Variants in MYO18A observed in about 807,000 individuals in gnomAD.
The protein encoded by MYO18A is unconventional myosin-XVIIIa.
Under a neutral mutation model 235.8 loss-of-function variants are expected in MYO18A, and 78 were observed. The ratio of observed to expected loss-of-function variants is 0.33; its 90% confidence interval spans 0.28 to 0.40. MYO18A has a LOEUF of 0.40. Ranked by LOEUF, MYO18A falls within the 10% of genes least tolerant of loss-of-function variation. MYO18A has a pLI of 1.00. For synonymous variants in MYO18A, 977 were observed against 1,077.8 expected, an observed-to-expected ratio of 0.91 and a Z score of 1.83; for missense variants, 2,215 against 2,699.3, an observed-to-expected ratio of 0.82 and a Z score of 3.98.
Position 29,121,578 on chromosome 17 carries a change from G to A in MYO18A, c.1340C>T (p.Pro447Leu). The change falls in exon 5 of 42, where the codon CCC (proline) becomes CTC (leucine). Residue 447 changes from proline to leucine, a missense_variant. By Grantham distance (98) the Pro-to-Leu change is moderately conservative (BLOSUM62 -3). Coordinates refer to ENST00000527372, the MANE Select transcript of MYO18A (RefSeq NM_078471.4). The surrounding 1 kb of genome is among the most constrained non-coding windows in gnomAD (Gnocchi z 4.2). ...AGAGTACACAGCAGGGGCCCCACGG[G>A]GGCCAAGAACCAGCAGGCTGGGGCC... ...YAGPSLLVLGPRGAPAVYSEK... is the reference protein window; with the variant it reads ...YAGPSLLVLGLRGAPAVYSEK... The A allele has an allele frequency of 6.2e-7, 1 of 1,604,304 alleles. No individual in the cohort carries two copies. The highest frequency in any genetic ancestry group is 8.5e-7 in the Non-Finnish European group (1 of 1,176,038).
intron 25 of MYO18A, 85 bp downstream of exon 25, chr17:29,098,020 A>T: frequency 6.3e-7 from 1 of 1,583,292 alleles, no homozygotes; most frequent in Admixed American, 1.7e-5. Flanking sequence ...AGGGGTGAAG[A>T]TGCCAACTGT....
chr17:29,138,280 G>A (rs1262952869), intron 2 of MYO18A, among the ~76,000 whole-genome samples: 2 of 152,106 alleles, frequency 1.3e-5, no homozygotes, highest in Non-Finnish European at 2.9e-5. Flanking sequence ...ACTCTCAAGA[G>A]AGTGCCCAAA....
chr17:29,121,842 C>G lies in MYO18A; in HGVS notation c.1194+9G>C, dbSNP rs371153509. On this transcript the variant is annotated intron_variant, in intron 4 of 41. Transcript: ENST00000527372. The surrounding 1 kb of genome is among the most constrained non-coding windows in gnomAD (Gnocchi z 4.2). The stretch of plus-strand genomic sequence containing the variant: ...CTCCTCCCCCACACCCAGCCCCCTG[C>G]CCACCTACCTTCTCAACGTCATCCT... 1 of 1,613,522 alleles carries G rather than the reference C, an allele frequency of 6.2e-7. No homozygotes were observed. The highest frequency in any genetic ancestry group is 1.3e-5 in the African/African-American group (1 of 74,910).
In MYO18A at chr17:29,074,578, TCC is replaced by T; in HGVS notation, c.*190_*191del. On this transcript the variant is annotated 3_prime_UTR_variant, in exon 42 of 42. Transcript: ENST00000527372. This position sits in a 1 kb window ranked among gnomAD's most constrained non-coding sequence, Gnocchi z 4.4. The stretch of plus-strand genomic sequence containing the variant: ...AAAGTTCTCTTCAGAAACTCCTCTT[TCC>T]CCCACCTCTTCCACGTGGAGACATC... 1 of 627,582 alleles carries T rather than the reference TCC, an allele frequency of 1.6e-6. No homozygotes were observed. Among genetic ancestry groups the T allele is most frequent in the Non-Finnish European group, 2.8e-6 (1 of 354,860 alleles). The allele number at this position is 627,582 out of a possible 1,614,324, so 38.9% of individuals were successfully genotyped here.
At chr17:29,115,625 C>A in intron 12 of MYO18A, 39 bp downstream of exon 12, 2 of 1,551,314 alleles carry the variant, frequency 1.3e-6, no homozygotes, top group Non-Finnish European at 1.7e-6. Flanking sequence ...CCAGATGAGG[C>A]CTCACACTCA....
chr17:29,107,091 C>T lies in MYO18A; in HGVS notation c.3430G>A (p.Asp1144Asn), dbSNP rs762954400. 5.0e-6 allele frequency: 8 copies of T among 1,613,856 alleles called. No homozygotes were observed. In the African/African-American group the frequency reaches 1.1e-4, roughly 22 times the overall value. Residue 1144 changes from aspartate to asparagine, a missense_variant, in exon 20 of 42, where the codon GAT becomes AAT. Transcript: ENST00000527372. ...KKHGRNYIVV[D>N]ERRAVEELLE... ...GGACCTGGACCTACCCGCCTTTCAT[C>T]CACCACGATGTAGTTACGCCCGTGT...
intron 27 of MYO18A, 135 bp from the exon 28 acceptor site, chr17:29,097,050 A>G: frequency 7.3e-7 from 1 of 1,376,476 alleles, no homozygotes. Flanking sequence ...GAACTGAAGA[A>G]GCTCTAATGA....
chr17:29,151,566 TACCCAGCTGGGAGCAGAA>T, intron 2 of MYO18A, among the ~76,000 whole-genome samples: 1 of 152,210 alleles, frequency 6.6e-6, no homozygotes, highest in Non-Finnish European at 1.5e-5. Context: ...CACAATTTAA[TACCCAGCTGGGAGCAGAA>T]GCCAAGACTG....
At chr17:29,157,011 G>A (rs1159197313) in intron 2 of MYO18A, among the ~76,000 whole-genome samples, 3 of 152,206 alleles carry the variant, frequency 2.0e-5, no homozygotes, top group East Asian at 3.9e-4. Context: ...TGAGCAACAC[G>A]GCGAGCCCAC....
chr17:29,129,664 C>T (rs868042690), intron 2 of MYO18A, among the ~76,000 whole-genome samples: 12 of 152,342 alleles, frequency 7.9e-5, no homozygotes, highest in Middle Eastern at 3.4e-3. Flanking sequence ...CACTGGGCTC[C>T]GTGAAGGCCC....
chr17:29,169,723 T>A (rs1370683853), intron 1 of MYO18A, among the ~76,000 whole-genome samples: 2 of 152,122 alleles, frequency 1.3e-5, no homozygotes, highest in Non-Finnish European at 2.9e-5. Context: ...GGGACTTGGA[T>A]GGGACAAACA....
rs866639235 is a variant in MYO18A at position 29,110,606 on chromosome 17, G to A, written c.2917C>T (p.Leu973=). The part of the protein sequence containing the change: ...QDSQKKIISN[L]FLGRAGSATV... ...GCACTGCCTGCGCGGCCCAGAAACA[G>A]GTTGCTGATGATTTTTCTGCCAGAG... Residue 973 remains leucine, a synonymous_variant, in exon 18 of 42, where the codon CTG becomes TTG. Coordinates refer to ENST00000527372, the MANE Select transcript of MYO18A (RefSeq NM_078471.4). 2 of 1,603,366 alleles carry A rather than the reference G, an allele frequency of 1.2e-6. No homozygotes were observed. Among genetic ancestry groups the A allele is most frequent in the South Asian group, 2.2e-5 (2 of 90,528 alleles).
intron 37 of MYO18A, among the ~76,000 whole-genome samples, chr17:29,089,462 G>C (rs1400918559): frequency 2.9e-5 from 3 of 102,360 alleles, no homozygotes; most frequent in Non-Finnish European, 6.2e-5. Flanking sequence ...GGAGAAGAAA[G>C]AATAGGATCA....
At chr17:29,171,904 A>G (rs1278722735) in intron 1 of MYO18A, among the ~76,000 whole-genome samples, 12 of 150,804 alleles carry the variant, frequency 8.0e-5, no homozygotes, top group Non-Finnish European at 1.6e-4. Context: ...AAAGAAAGAA[A>G]GAAAAAAAAA....
chr17:29,110,738 G>A, intron 17 of MYO18A, 116 bp from the exon 18 acceptor site: 2 of 1,069,128 alleles, frequency 1.9e-6, no homozygotes, highest in Non-Finnish European at 2.6e-6. Context: ...ACGTCCAGGG[G>A]CCTGGCTACC....
Position 29,117,650 on chromosome 17 carries a change from G to C in MYO18A, c.2038+395C>G, listed in dbSNP as rs1056683016. ...CTGGGCAAGCACCAAGACAGGGCACGGCGGCCCCTATACCCAAGGGCGGGG... is the reference window on the plus strand; with the variant it reads ...CTGGGCAAGCACCAAGACAGGGCACCGCGGCCCCTATACCCAAGGGCGGGG... On this transcript the variant is annotated intron_variant, in intron 10 of 41. Coordinates refer to ENST00000527372, the MANE Select transcript of MYO18A (RefSeq NM_078471.4). The surrounding 1 kb of genome is among the most constrained non-coding windows in gnomAD (Gnocchi z 4.6). Among the ~76,000 whole-genome samples, 2 of 152,182 alleles carry C rather than the reference G, an allele frequency of 1.3e-5. No homozygotes were observed. Among genetic ancestry groups the C allele is most frequent in the African/African-American group, 4.8e-5 (2 of 41,432 alleles).
chr17:29,114,105 A>G lies in MYO18A; in HGVS notation c.2512-8T>C. 1 of 1,587,186 alleles carries G rather than the reference A, an allele frequency of 6.3e-7. No homozygotes were observed. Reference sequence around the variant, plus strand: ...CGCCAGCTCGATGTTCTCCTGGGAAAGAAGGCCGAGCGGTAGTGAGCATGG... The same window carrying G: ...CGCCAGCTCGATGTTCTCCTGGGAAGGAAGGCCGAGCGGTAGTGAGCATGG... On this transcript the variant is annotated splice_polypyrimidine_tract_variant and splice_region_variant and intron_variant, in intron 14 of 41. Coordinates refer to ENST00000527372, the MANE Select transcript of MYO18A (RefSeq NM_078471.4).
At chr17:29,100,638 T>C (rs1355368561) in intron 21 of MYO18A, among the ~76,000 whole-genome samples, 21 of 151,880 alleles carry the variant, frequency 1.4e-4, no homozygotes, top group Admixed American at 1.0e-3. Context: ...GTGAAAAAAA[T>C]AGCTCTATCC....
At chr17:29,177,184 C>T (rs184574655) in intron 1 of MYO18A, among the ~76,000 whole-genome samples, 44 of 152,338 alleles carry the variant, frequency 2.9e-4, no homozygotes, top group Admixed American at 1.2e-3. Context: ...TCTGCTCAAC[C>T]ACACACTGCA....
Sources: allele counts gnomAD v4.1 joint callset (sites outside exome capture counted in the v4.1 genomes callset), GRCh38; gene constraint gnomAD v4.1.1; non-coding constraint Gnocchi (gnomAD v3.1); transcripts MANE v1.5; gene names NCBI Gene and HGNC (gene_info 2026-07-23, HGNC 2026-07-21).